Variants in PSMA3 observed in about 807,000 individuals in gnomAD.
The protein encoded by PSMA3 is proteasome 20S subunit alpha 3.
Under a neutral mutation model 40.0 loss-of-function variants are expected in PSMA3, and 8 were observed. The observed-to-expected ratio is 0.20, with a 90% confidence interval of 0.12 to 0.36. PSMA3 has a LOEUF of 0.36. Among genes scored for constraint, PSMA3 ranks in the 10% least tolerant of loss-of-function variants. The pLI, the probability that PSMA3 is intolerant of heterozygous loss-of-function variation, is 1.00. For synonymous variants in PSMA3, 110 were observed against 100.0 expected, an observed-to-expected ratio of 1.10 and a Z score of -0.59; for missense variants, 219 against 310.6, an observed-to-expected ratio of 0.70 and a Z score of 2.22.
intron 1 of PSMA3, 76 bp downstream of exon 1, chr14:58,245,017 G>A: frequency 6.2e-7 from 1 of 1,602,510 alleles, no homozygotes; most frequent in Non-Finnish European, 8.6e-7. Context: ...GACCACATGG[G>A]GTTCGCGGAC....
chr14:58,250,220 CAAAAAAAA>C (rs10634649), intron 2 of PSMA3, among the ~76,000 whole-genome samples: 2 of 93,050 alleles, frequency 2.1e-5, no homozygotes, highest in Non-Finnish European at 4.1e-5. Flanking sequence ...ACTCCATCTC[CAAAAAAAA>C]AAAAAAAATA....
At chr14:58,261,231 G>A (rs1433528104) in intron 6 of PSMA3, among the ~76,000 whole-genome samples, 1 of 148,426 alleles carries the variant, frequency 6.7e-6, no homozygotes, top group Non-Finnish European at 1.5e-5. Context: ...GGCCCAGGCT[G>A]GAGCACAGTG....
At chr14:58,253,786 G>A (rs775459579) in intron 3 of PSMA3, among the ~76,000 whole-genome samples, 1 of 152,134 alleles carries the variant, frequency 6.6e-6, no homozygotes, top group African/African-American at 2.4e-5. Context: ...TAGAGACGGG[G>A]TTTCACCATG....
At chr14:58,254,617 T>C (rs1272775594) in intron 3 of PSMA3, among the ~76,000 whole-genome samples, 1 of 151,898 alleles carries the variant, frequency 6.6e-6, no homozygotes. Flanking sequence ...ATTACAGGCA[T>C]GAGCCAATGT....
chr14:58,246,360 T>C (rs1889879816), intron 1 of PSMA3, among the ~76,000 whole-genome samples: 1 of 152,218 alleles, frequency 6.6e-6, no homozygotes, highest in Non-Finnish European at 1.5e-5. Flanking sequence ...TTCCTTTTTT[T>C]ACTTTACTCC....
chr14:58,247,227 A>G (rs1461611214), intron 1 of PSMA3, among the ~76,000 whole-genome samples: 1 of 151,898 alleles, frequency 6.6e-6, no homozygotes, highest in Non-Finnish European at 1.5e-5. Context: ...TTACTCTTTT[A>G]TTTTCATCTT....
Position 58,263,177 on chromosome 14 carries a change from G to A in PSMA3, c.478-528G>A, listed in dbSNP as rs148918270. Among the ~76,000 whole-genome samples, 221 of 151,794 alleles carry A rather than the reference G, an allele frequency of 1.5e-3. 1 individual carries two copies. The highest frequency in any genetic ancestry group is 5.1e-3 in the African/African-American group (212 of 41,400). ...TTTTTGTATTTTTAGTAGAGACAGG[G>A]TTTTACAATGTTGGCCAGGCCGGTC... is the stretch of plus-strand genomic sequence containing the variant. On this transcript the variant is annotated intron_variant, in intron 6 of 10. Transcript: ENST00000216455.
At chr14:58,258,178 C>A in intron 5 of PSMA3, 180 bp downstream of exon 5, 1 of 541,118 alleles carries the variant, frequency 1.8e-6, no homozygotes, top group South Asian at 2.9e-5. Flanking sequence ...TGGCTCAAGC[C>A]TGTAATCCCA....
At chr14:58,249,313 A>G (rs1365665697) in intron 2 of PSMA3, among the ~76,000 whole-genome samples, 1 of 151,978 alleles carries the variant, frequency 6.6e-6, no homozygotes, top group Non-Finnish European at 1.5e-5. Flanking sequence ...ACTACACCCA[A>G]AGTGAACAAA....
At chr14:58,250,872 T>C (rs779076363) in intron 2 of PSMA3, among the ~76,000 whole-genome samples, 3 of 152,158 alleles carry the variant, frequency 2.0e-5, no homozygotes, top group Non-Finnish European at 4.4e-5. Flanking sequence ...AGGATCCCAA[T>C]GCTGGTATAA....
At chr14:58,246,380 C>A (rs1889880850) in intron 1 of PSMA3, among the ~76,000 whole-genome samples, 1 of 152,146 alleles carries the variant, frequency 6.6e-6, no homozygotes, top group Admixed American at 6.6e-5. Context: ...CCAGAACCAA[C>A]GCTTTAGCAA....
At chr14:58,246,856 G>T (rs1007139121) in intron 1 of PSMA3, among the ~76,000 whole-genome samples, 1 of 152,116 alleles carries the variant, frequency 6.6e-6, no homozygotes, top group Admixed American at 6.5e-5. Flanking sequence ...AAGCCAGAAT[G>T]ATGTTTTTAA....
Position 58,270,461 on chromosome 14 carries a change from C to T in PSMA3, c.634C>T (p.Leu212=), listed in dbSNP as rs1386932522. The change falls in exon 9 of 11, where the codon CTA becomes TTA. Residue 212 remains leucine, a synonymous_variant. Coordinates refer to ENST00000216455, the MANE Select transcript of PSMA3 (RefSeq NM_002788.4). The part of the protein sequence containing the change: ...HDEVKDKAFE[L]ELSWVGELTN... Reference sequence around the variant, plus strand: ...CGAAGTTAAGGATAAAGCTTTTGAACTAGAACTCAGCTGGGTTGGTGAATG... The same window carrying T: ...CGAAGTTAAGGATAAAGCTTTTGAATTAGAACTCAGCTGGGTTGGTGAATG... 3.7e-6 allele frequency: 6 copies of T among 1,613,558 alleles called. No homozygotes were observed. Among genetic ancestry groups the T allele is most frequent in the Non-Finnish European group, 5.1e-6 (6 of 1,179,788 alleles).
rs763252716 is a variant in PSMA3, at chr14:58,260,931, T to C, written c.405-17T>C. Reference sequence around the variant, plus strand: ...TGTTATTGCCATGGTTTAAGCTGTTTGTATACTTTCATGCAGTTTCATGTT... The same window carrying C: ...TGTTATTGCCATGGTTTAAGCTGTTCGTATACTTTCATGCAGTTTCATGTT... On this transcript the variant is annotated splice_polypyrimidine_tract_variant and intron_variant, in intron 5 of 10. Transcript: ENST00000216455. 7.6e-6 allele frequency: 12 copies of C among 1,581,820 alleles called. No individual in the cohort carries two copies. Among genetic ancestry groups the C allele is most frequent in the African/African-American group, 1.4e-5 (1 of 74,070 alleles).
At chr14:58,264,260 A>T (rs1444017053) in intron 7 of PSMA3, among the ~76,000 whole-genome samples, 1 of 152,314 alleles carries the variant, frequency 6.6e-6, no homozygotes, top group South Asian at 2.1e-4. Flanking sequence ...ATAAAAAGTT[A>T]TATTTTTCCT....
At chr14:58,247,912 T>G (rs1889914445) in intron 2 of PSMA3, 80 bp downstream of exon 2, 1 of 919,938 alleles carries the variant, frequency 1.1e-6, no homozygotes, top group Admixed American at 2.6e-5. Context: ...TATGTTACTT[T>G]GGTACAAATT....
rs1890597011 is a variant in PSMA3, at chr14:58,270,917, T to C, written c.659-17T>C. The stretch of plus-strand genomic sequence containing the variant: ...ACTCAATTTAAAATTCATTTACACA[T>C]GTGGCTTAATTTACAGTAACTAATG... On this transcript the variant is annotated splice_polypyrimidine_tract_variant and intron_variant, in intron 9 of 10. Transcript: ENST00000216455. The C allele has an allele frequency of 2.5e-6, 4 of 1,575,500 alleles. No individual in the cohort carries two copies. Among genetic ancestry groups the C allele is most frequent in the Non-Finnish European group, 2.6e-6 (3 of 1,149,992 alleles).
intron 1 of PSMA3, among the ~76,000 whole-genome samples, chr14:58,246,644 G>A (rs923036204): frequency 1.3e-5 from 2 of 152,092 alleles, no homozygotes; most frequent in Non-Finnish European, 2.9e-5. Context: ...TGATCAGCCC[G>A]CCTCACCCTC....
In PSMA3 at chr14:58,247,736, C is replaced by T. The variant is rs78940406; in HGVS notation, c.22-14C>T. The T allele has an allele frequency of 4.1e-5, 64 of 1,554,778 alleles. No homozygotes were observed. The East Asian group carries it at 1.4e-3, about 34-fold the overall frequency. ...CCAAAGATACAAGCTTACTGTTGCC[C>T]TTTTCTCCTTAAGTATGACCTGTCA... On this transcript the variant is annotated splice_polypyrimidine_tract_variant and intron_variant, in intron 1 of 10. Transcript: ENST00000216455.
Sources: gnomAD v4.1 joint callset for allele counts (sites outside exome capture counted in the v4.1 genomes callset) on GRCh38, gnomAD v4.1.1 for gene constraint, MANE v1.5 for transcripts, NCBI Gene and HGNC (gene_info 2026-07-23, HGNC 2026-07-21) for gene names.